KAT14: variants seen among roughly 807,000 people sequenced by gnomAD.
The protein encoded by KAT14 is lysine acetyltransferase 14, also known as cysteine-rich protein 2-binding protein.
Under a neutral mutation model 78.4 loss-of-function variants are expected in KAT14, and 66 were observed. That is an observed-to-expected ratio of 0.84 (90% CI 0.69 to 1.03). The LOEUF is 1.03. Among genes scored for constraint, KAT14 ranks in the 50% least tolerant of loss-of-function variants. The probability of loss-of-function intolerance (pLI) is 0.00; values close to 1 mark genes in which losing one functional copy is unlikely to be tolerated. For synonymous variants in KAT14, 344 were observed against 359.4 expected, an observed-to-expected ratio of 0.96 and a Z score of 0.48; for missense variants, 870 against 972.5, an observed-to-expected ratio of 0.89 and a Z score of 1.40.
At chr20:18,166,452 G>A (rs188566304) in intron 7 of KAT14, among the ~76,000 whole-genome samples, 2 of 152,334 alleles carry the variant, frequency 1.3e-5, no homozygotes, top group East Asian at 3.9e-4. Context: ...CATGTCCAAC[G>A]GTTACAGAGG....
intron 7 of KAT14, among the ~76,000 whole-genome samples, chr20:18,178,304 G>A (rs1934479698): frequency 6.6e-6 from 1 of 152,116 alleles, no homozygotes; most frequent in South Asian, 2.1e-4. Context: ...TAATCCCCAA[G>A]ACAATCTCCA....
rs1354265193 is a variant in KAT14 at position 18,141,409 on chromosome 20, C to T, written c.-453-799C>T. Among the ~76,000 whole-genome samples, 4 of 152,044 alleles carry T rather than the reference C, an allele frequency of 2.6e-5. No homozygotes were observed. In the East Asian group the frequency reaches 7.7e-4, roughly 29 times the overall value. On this transcript the variant is annotated intron_variant, in intron 1 of 10. Coordinates refer to ENST00000688188, the MANE Select transcript of KAT14 (RefSeq NM_001392073.1). ...TCTGTTATATAATTAATTAATAATT[C>T]TGCATGATTTTTACATTGTTAACTT...
rs556576481 is a variant in KAT14, at chr20:18,141,854, C to T, written c.-453-354C>T. ...AGCTGCGGAGTGCAGCCACTGCACT[C>T]CAGCCTGGGCGACAGAGCGAGACTC... On this transcript the variant is annotated intron_variant, in intron 1 of 10. Transcript: ENST00000688188. Among the ~76,000 whole-genome samples, 49 of 152,184 alleles carry T rather than the reference C, an allele frequency of 3.2e-4. 1 individual carries two copies. Among genetic ancestry groups the T allele is most frequent in the African/African-American group, 1.1e-3 (47 of 41,530 alleles).
In KAT14 at chr20:18,187,398, A is replaced by C; in HGVS notation, c.2285A>C (p.Lys762Thr). 1 of 1,614,204 alleles carries C rather than the reference A, an allele frequency of 6.2e-7. No individual in the cohort carries two copies. Among genetic ancestry groups the C allele is most frequent in the African/African-American group, 1.3e-5 (1 of 75,066 alleles). Residue 762 changes from lysine to threonine, a missense_variant, in exon 11 of 11, where the codon AAA becomes ACA. Coordinates refer to ENST00000688188, the MANE Select transcript of KAT14 (RefSeq NM_001392073.1). ...GAATATGTATTAGATTTCTATGATAAATATTACCCATTGGAGAGTACAGAG... is the reference window on the plus strand; with the variant it reads ...GAATATGTATTAGATTTCTATGATACATATTACCCATTGGAGAGTACAGAG... ...TEEYVLDFYDKYYPLESTECK... is the reference protein window; with the variant it reads ...TEEYVLDFYDTYYPLESTECK...
upstream of KAT14, chr20:18,137,749 T>C (rs1355475492): frequency 2.5e-5 from 12 of 480,856 alleles, no homozygotes; most frequent in South Asian, 3.3e-4. Flanking sequence ...AGGCCCCTAG[T>C]GAAGCCAAGA....
chr20:18,165,332 G>A (rs1256240755), intron 7 of KAT14, among the ~76,000 whole-genome samples: 1 of 152,138 alleles, frequency 6.6e-6, no homozygotes, highest in Non-Finnish European at 1.5e-5. Context: ...CATTGTTGTG[G>A]ACTGAATTGT....
intron 4 of KAT14, among the ~76,000 whole-genome samples, chr20:18,156,144 C>G (rs1042335109): frequency 3.9e-5 from 6 of 152,168 alleles, no homozygotes; most frequent in African/African-American, 1.4e-4. Flanking sequence ...CACAAGAAAA[C>G]AAACACTGTG....
intron 7 of KAT14, among the ~76,000 whole-genome samples, chr20:18,169,955 C>A (rs543934235): frequency 2.0e-5 from 3 of 152,300 alleles, no homozygotes; most frequent in Non-Finnish European, 4.4e-5. Context: ...AAACCAGCCA[C>A]AGTATTCCCT....
chr20:18,148,613 G>GTT (rs539926110), intron 3 of KAT14, among the ~76,000 whole-genome samples: 8 of 140,986 alleles, frequency 5.7e-5, no homozygotes, highest in African/African-American at 7.8e-5. Flanking sequence ...ATTTTTTTTT[G>GTT]TTTTTTTTTT....
At chr20:18,144,006 C>T (rs543171474) in intron 2 of KAT14, among the ~76,000 whole-genome samples, 23 of 152,274 alleles carry the variant, frequency 1.5e-4, no homozygotes, top group Admixed American at 9.2e-4. Flanking sequence ...TGGTTTATAC[C>T]GAAACAGGAT....
chr20:18,161,942 A>G lies in KAT14; in HGVS notation c.802A>G (p.Lys268Glu). 1 of 1,614,272 alleles carries G rather than the reference A, an allele frequency of 6.2e-7. No homozygotes were observed. Among genetic ancestry groups the G allele is most frequent in the Non-Finnish European group, 8.5e-7 (1 of 1,180,042 alleles). Residue 268 changes from lysine (K) to glutamate (E), a missense_variant, in exon 6 of 11, where the codon AAA becomes GAA. By Grantham distance (56) the Lys-to-Glu change is moderately conservative. Coordinates refer to ENST00000688188, the MANE Select transcript of KAT14 (RefSeq NM_001392073.1). Reference sequence around the variant, plus strand: ...GAAAAGGTCTCGAACTCAGGAAGCAAAAGACATTAGAAGAGCCCAGAAGGA... The same window carrying G: ...GAAAAGGTCTCGAACTCAGGAAGCAGAAGACATTAGAAGAGCCCAGAAGGA... ...KEKRSRTQEA[K>E]DIRRAQKEAA... is the part of the protein sequence containing the mutation.
intron 3 of KAT14, among the ~76,000 whole-genome samples, chr20:18,145,815 G>C (rs2037807477): frequency 6.6e-6 from 1 of 152,052 alleles, no homozygotes; most frequent in African/African-American, 2.4e-5. Context: ...CTGACTTGGT[G>C]AATTGGGCTT....
chr20:18,159,705 C>T (rs974553961), intron 5 of KAT14, among the ~76,000 whole-genome samples: 3 of 152,146 alleles, frequency 2.0e-5, no homozygotes, highest in South Asian at 4.2e-4. Flanking sequence ...TATTTAGAAA[C>T]AAATCCCAGG....
chr20:18,187,251 C>A, intron 10 of KAT14, 35 bp from the exon 11 acceptor site: 1 of 1,564,640 alleles, frequency 6.4e-7, no homozygotes, highest in Non-Finnish European at 8.6e-7. Flanking sequence ...CAGGCCTTTC[C>A]ATTTTTATCT....
At chr20:18,166,448 C>A (rs1311688439) in intron 7 of KAT14, among the ~76,000 whole-genome samples, 1 of 152,160 alleles carries the variant, frequency 6.6e-6, no homozygotes, top group African/African-American at 2.4e-5. Context: ...TGAGCATGTC[C>A]AACGGTTACA....
Position 18,184,770 on chromosome 20 carries a change from T to G in KAT14, c.2150T>G (p.Phe717Cys). ...PEWRRAGIAT[F>C]MIYHLIQTCM... ...TGGAGAAGAGCAGGGATTGCAACTT[T>G]CATGATCTATCATCTGATTCAGGTA... The change falls in exon 10 of 11, where the codon TTC (phenylalanine) becomes TGC (cysteine). Residue 717 changes from phenylalanine (F) to cysteine (C), a missense_variant. Transcript: ENST00000688188. The G allele has an allele frequency of 6.2e-7, 1 of 1,608,326 alleles. No homozygotes were observed. The highest frequency in any genetic ancestry group is 1.1e-5 in the South Asian group (1 of 90,116).
At chr20:18,144,858 G>A (rs981409050) in intron 2 of KAT14, among the ~76,000 whole-genome samples, 4 of 152,178 alleles carry the variant, frequency 2.6e-5, no homozygotes, top group Admixed American at 2.0e-4. Flanking sequence ...TATCTGTCTT[G>A]GACTTTGTAT....
At chr20:18,144,921 A>G (rs1275015707) in intron 2 of KAT14, among the ~76,000 whole-genome samples, 2 of 152,150 alleles carry the variant, frequency 1.3e-5, no homozygotes, top group African/African-American at 2.4e-5. Flanking sequence ...TATTTTTTGA[A>G]AGAATGTGTG....
intron 4 of KAT14, among the ~76,000 whole-genome samples, chr20:18,151,736 G>A (rs2038049946): frequency 1.3e-5 from 2 of 151,824 alleles, no homozygotes; most frequent in Admixed American, 6.6e-5. Context: ...GGGCGCAGTG[G>A]CTCATGCCTG....
Sources: allele counts gnomAD v4.1 joint callset (sites outside exome capture counted in the v4.1 genomes callset), GRCh38; gene constraint gnomAD v4.1.1; transcripts MANE v1.5; gene names NCBI Gene and HGNC (gene_info 2026-07-23, HGNC 2026-07-21).